KIT: variants seen among roughly 807,000 people sequenced by gnomAD.
KIT encodes the protein KIT proto-oncogene, receptor tyrosine kinase.
A neutral mutation model predicts 105.7 loss-of-function variants in KIT; 16 were observed. That is an observed-to-expected ratio of 0.15 (90% CI 0.10 to 0.23). The LOEUF is 0.23. Ranked by LOEUF, KIT falls within the 10% of genes least tolerant of loss-of-function variation. The probability of loss-of-function intolerance (pLI) is 1.00; values close to 1 mark genes in which losing one functional copy is unlikely to be tolerated. For missense variants in KIT, 858 were observed against 1,213.8 expected, an observed-to-expected ratio of 0.71 and a Z score of 4.36; for synonymous variants, 438 against 441.1, an observed-to-expected ratio of 0.99 and a Z score of 0.09.
rs1553886423 is a variant in KIT at position 54,690,069 on chromosome 4, G to GGT, written c.68-5442_68-5441insTG. On this transcript the variant is annotated intron_variant, in intron 1 of 20. Coordinates refer to ENST00000288135, the MANE Select transcript of KIT (RefSeq NM_000222.3). ...TTACTTTTTTTTTGTGGGGGGGGGG[G>GGT]GCTGTGTAATGTTCCATTGTATGTA... Among the ~76,000 whole-genome samples the GGT allele has an allele frequency of 5.0e-3, 720 of 144,700 alleles. 2 individuals carry two copies. Among genetic ancestry groups the GGT allele is most frequent in the Admixed American group, 9.2e-3 (133 of 14,424 alleles). 94.9% of individuals were successfully genotyped at this position (144,700 alleles called of 152,430 possible).
Position 54,709,484 on chromosome 4 carries a change from C to T in KIT, c.1176C>T (p.Phe392=). 1 of 1,613,852 alleles carries T rather than the reference C, an allele frequency of 6.2e-7. No individual in the cohort carries two copies. The highest frequency in any genetic ancestry group is 8.5e-7 in the Non-Finnish European group (1 of 1,179,742). Residue 392 remains phenylalanine, a synonymous_variant, in exon 7 of 21, where the codon TTC becomes TTT. Coordinates refer to ENST00000288135, the MANE Select transcript of KIT (RefSeq NM_000222.3). ...GCACCGAAGGAGGCACTTACACATT[C>T]CTAGTGTCCAATTCTGACGTCAATG... ...LKGTEGGTYT[F]LVSNSDVNAA... is the part of the protein sequence containing the mutation.
At chr4:54,730,487 T>A (rs547588671) in intron 14 of KIT, among the ~76,000 whole-genome samples, 1 of 152,286 alleles carries the variant, frequency 6.6e-6, no homozygotes, top group South Asian at 2.1e-4. Context: ...TTTTTTTTAA[T>A]CCTATAAACT....
rs1577994552 is a variant in KIT at position 54,727,308 on chromosome 4, C to T, written c.1631C>T (p.Thr544Ile). ...ATGTGCATTATTGTGATGATTCTGA[C>T]CTACAAATATTTACAGGTAACCATT... ...GMMCIIVMIL[T>I]YKYLQKPMYE... Residue 544 changes from threonine to isoleucine, a missense_variant, in exon 10 of 21, where the codon ACC (threonine) becomes ATC (isoleucine). This residue lies in a region of KIT where 78 missense variants were observed against 77.6 expected (regional missense o/e 1.01). Coordinates refer to ENST00000288135, the MANE Select transcript of KIT (RefSeq NM_000222.3). 6.2e-7 allele frequency: 1 copy of T among 1,613,956 alleles called. No individual in the cohort carries two copies. Among genetic ancestry groups the T allele is most frequent in the Non-Finnish European group, 8.5e-7 (1 of 1,179,818 alleles).
intron 1 of KIT, among the ~76,000 whole-genome samples, chr4:54,688,861 A>G (rs1719500905): frequency 6.6e-6 from 1 of 152,228 alleles, no homozygotes; most frequent in Admixed American, 6.5e-5. Flanking sequence ...CTGCTTCCCC[A>G]AAACTAGAAT....
Position 54,707,180 on chromosome 4 carries a change from A to G in KIT, c.1008A>G (p.Glu336=), listed in dbSNP as rs1720841718. 2 of 1,597,400 alleles carry G rather than the reference A, an allele frequency of 1.3e-6. No homozygotes were observed. The highest frequency in any genetic ancestry group is 1.7e-6 in the Non-Finnish European group (2 of 1,164,814). The part of the protein sequence containing the change: ...NDGENVDLIV[E]YEAFPKPEHQ... ...GAGAAAATGTAGATTTGATTGTTGA[A>G]TATGAAGCATTCCCCAAACCTGAAC... The change falls in exon 6 of 21, where the codon GAA becomes GAG. Residue 336 remains glutamate (E), a synonymous_variant. Coordinates refer to ENST00000288135, the MANE Select transcript of KIT (RefSeq NM_000222.3).
At position 54,738,640 on chromosome 4, in the gene KIT, T is replaced by G; in HGVS notation, c.*83T>G. Reference sequence around the variant, plus strand: ...ATGGTTATTTTCTTTTCTTTCAACTTGCATCCAACTCCAGGATAGTGGGCA... The same window carrying G: ...ATGGTTATTTTCTTTTCTTTCAACTGGCATCCAACTCCAGGATAGTGGGCA... On this transcript the variant is annotated 3_prime_UTR_variant, in exon 21 of 21. Coordinates refer to ENST00000288135, the MANE Select transcript of KIT (RefSeq NM_000222.3). 6.5e-7 allele frequency: 1 copy of G among 1,539,956 alleles called. No individual in the cohort carries two copies. Among genetic ancestry groups the G allele is most frequent in the Non-Finnish European group, 8.9e-7 (1 of 1,124,320 alleles).
rs1060504663 is a variant in KIT at position 54,707,270 on chromosome 4, G to A, written c.1098G>A (p.Glu366=). The A allele has an allele frequency of 1.9e-6, 3 of 1,610,882 alleles. No homozygotes were observed. The highest frequency in any genetic ancestry group is 2.5e-6 in the Non-Finnish European group (3 of 1,177,040). ...TDKWEDYPKS[E]NESNIRYVSE... ...AATGGGAAGATTATCCCAAGTCTGAGAATGAAAGTAATATCAGGTAAGAAA... is the reference window on the plus strand; with the variant it reads ...AATGGGAAGATTATCCCAAGTCTGAAAATGAAAGTAATATCAGGTAAGAAA... The change falls in exon 6 of 21, where the codon GAG becomes GAA. Residue 366 remains glutamate, a synonymous_variant. Coordinates refer to ENST00000288135, the MANE Select transcript of KIT (RefSeq NM_000222.3).
At position 54,689,130 on chromosome 4, in the gene KIT, G is replaced by A. The variant is rs575656954; in HGVS notation, c.68-6382G>A. 3.8e-3 allele frequency among the ~76,000 whole-genome samples: 581 copies of A among 152,322 alleles called. 6 individuals carry two copies. Among genetic ancestry groups the A allele is most frequent in the South Asian group, 6.8e-3 (33 of 4,826 alleles). Reference sequence around the variant, plus strand: ...GGAGGCCCTCCTCCGATCTGCTAATGTTTGCCCACATTTAATTCAATAGTA... The same window carrying A: ...GGAGGCCCTCCTCCGATCTGCTAATATTTGCCCACATTTAATTCAATAGTA... On this transcript the variant is annotated intron_variant, in intron 1 of 20. Transcript: ENST00000288135.
chr4:54,729,046 T>C (rs1391740105), intron 13 of KIT, among the ~76,000 whole-genome samples: 7 of 152,160 alleles, frequency 4.6e-5, no homozygotes, highest in Non-Finnish European at 8.8e-5. Context: ...AATAGTAGAA[T>C]CTTTGAAAGC....
intron 1 of KIT, among the ~76,000 whole-genome samples, chr4:54,683,481 G>A (rs1483333981): frequency 6.6e-6 from 1 of 152,168 alleles, no homozygotes; most frequent in Non-Finnish European, 1.5e-5. Flanking sequence ...CCACCAAAAG[G>A]TGGGGGGGTG....
chr4:54,680,405 T>A (rs1361309436), intron 1 of KIT, among the ~76,000 whole-genome samples: 1 of 147,428 alleles, frequency 6.8e-6, no homozygotes, highest in Non-Finnish European at 1.5e-5. Context: ...TTTTTTTTTT[T>A]AATGAGAAGG....
intron 4 of KIT, 147 bp downstream of exon 4, chr4:54,699,913 C>T: frequency 1.3e-6 from 1 of 777,574 alleles, no homozygotes. Context: ...TTGCATATTT[C>T]CCCCTTTCAT....
At chr4:54,702,622 T>C (rs908031371) in intron 4 of KIT, among the ~76,000 whole-genome samples, 5 of 152,186 alleles carry the variant, frequency 3.3e-5, no homozygotes, top group East Asian at 1.9e-4. Context: ...ACCTCTCTTA[T>C]AGTCATAATG....
At chr4:54,737,401 A>C in intron 20 of KIT, 121 bp downstream of exon 20, 1 of 751,708 alleles carries the variant, frequency 1.3e-6, no homozygotes, top group African/African-American at 1.7e-5. Context: ...CTTAGGTTGC[A>C]AATTGGGCTT....
chr4:54,713,826 T>C (rs1168101522), intron 7 of KIT, among the ~76,000 whole-genome samples: 1 of 152,200 alleles, frequency 6.6e-6, no homozygotes, highest in African/African-American at 2.4e-5. Flanking sequence ...AGAAAACACG[T>C]ATATAACATG....
At chr4:54,661,790 G>A (rs1321721857) in intron 1 of KIT, among the ~76,000 whole-genome samples, 2 of 152,226 alleles carry the variant, frequency 1.3e-5, no homozygotes, top group Non-Finnish European at 2.9e-5. Context: ...TGCCTGGAGG[G>A]CAAATCCAGT....
chr4:54,678,293 C>A (rs1718632148), intron 1 of KIT, among the ~76,000 whole-genome samples: 1 of 26,210 alleles, frequency 3.8e-5, no homozygotes, highest in African/African-American at 2.0e-4. Flanking sequence ...TGGCTCGCTC[C>A]TTCCTTCCTT....
At position 54,710,833 on chromosome 4, in the gene KIT, G is replaced by A. The variant is rs150154764; in HGVS notation, c.1231+1294G>A. ...TGGGATTATAGGCATGAGCCACCGC[G>A]CCCAGCTAGATGTTTTGTTTGTTTG... is the stretch of plus-strand genomic sequence containing the variant. On this transcript the variant is annotated intron_variant, in intron 7 of 20. Coordinates refer to ENST00000288135, the MANE Select transcript of KIT (RefSeq NM_000222.3). 1.2e-4 allele frequency among the ~76,000 whole-genome samples: 18 copies of A among 152,170 alleles called. No individual in the cohort carries two copies. In the East Asian group the frequency reaches 1.7e-3, roughly 15 times the overall value.
At chr4:54,659,389 C>T (rs554054096) in intron 1 of KIT, among the ~76,000 whole-genome samples, 2 of 152,252 alleles carry the variant, frequency 1.3e-5, no homozygotes, top group East Asian at 3.9e-4. Flanking sequence ...TCTCCCAGGT[C>T]ATTTTTTAAA....
Sources: gnomAD v4.1 joint callset for allele counts (sites outside exome capture counted in the v4.1 genomes callset) on GRCh38, gnomAD v4.1.1 for gene constraint, gnomAD v4.1.1 regional missense constraint, MANE v1.5 for transcripts, NCBI Gene and HGNC (gene_info 2026-07-23, HGNC 2026-07-21) for gene names.